Variants in INTS6 observed in about 807,000 individuals in gnomAD.
INTS6 encodes DEAD box protein.
INTS6 carries 16 observed loss-of-function variants against 104.9 expected under a neutral mutation model. The observed-to-expected ratio is 0.15, with a 90% confidence interval of 0.10 to 0.23. The LOEUF (loss-of-function observed/expected upper bound fraction) is 0.23, where lower values mean the gene tolerates loss of function less well. INTS6 is among the 10% of genes least tolerant of loss of function. The pLI, the probability that INTS6 is intolerant of heterozygous loss-of-function variation, is 1.00. For missense variants in INTS6, 584 were observed against 1,062.8 expected (o/e 0.55, Z 6.26); for synonymous variants, 324 against 358.7 (o/e 0.90, Z 1.09).
At chr13:51,346,710 T>A in the INTS6 span, among the ~76,000 whole-genome samples, 1 of 152,168 alleles carries the variant, frequency 6.6e-6, no homozygotes, top group African/African-American at 2.4e-5. Context: ...AGCCTCTGAC[T>A]CTGGCCCTGT....
intron 4 of INTS6, among the ~76,000 whole-genome samples, chr13:51,398,591 T>C (rs9526757): frequency 0.13 from 20,353 of 152,080 alleles, 1,709 homozygotes; most frequent in South Asian, 0.26. Flanking sequence ...AACTCTCCAA[T>C]ACTTCTGGTG....
At chr13:51,351,150 T>C (rs1442759211), downstream of INTS6, among the ~76,000 whole-genome samples, 1 of 152,194 alleles carries the variant, frequency 6.6e-6, no homozygotes, top group Non-Finnish European at 1.5e-5. Flanking sequence ...TTTTCAATTA[T>C]CTTGGATATA....
At chr13:51,385,431 A>T (rs763999958) in intron 7 of INTS6, among the ~76,000 whole-genome samples, 44 of 152,210 alleles carry the variant, frequency 2.9e-4, no homozygotes, top group Non-Finnish European at 5.9e-4. Context: ...ATCAGTCCAC[A>T]AAACACACTT....
chr13:51,354,500 A>G (rs1275769289), intron 3 of INTS6, among the ~76,000 whole-genome samples: 2 of 152,096 alleles, frequency 1.3e-5, no homozygotes, highest in African/African-American at 2.4e-5. Context: ...GCACACCTGC[A>G]GTCCCAGCTA....
At chr13:51,435,175 C>T (rs746721923) in intron 3 of INTS6, among the ~76,000 whole-genome samples, 5 of 151,740 alleles carry the variant, frequency 3.3e-5, no homozygotes, top group Admixed American at 2.6e-4. Context: ...ACAAAGACAG[C>T]CAGTAGAGGG....
At chr13:51,354,791 T>C (rs1955454430) in intron 3 of INTS6, among the ~76,000 whole-genome samples, 1 of 151,990 alleles carries the variant, frequency 6.6e-6, no homozygotes, top group Non-Finnish European at 1.5e-5. Flanking sequence ...GAAAAATGGA[T>C]AATAACTAAA....
chr13:51,346,962 A>G, the INTS6 span: 2 of 1,259,316 alleles, frequency 1.6e-6, no homozygotes, highest in South Asian at 2.6e-5. Flanking sequence ...CCGCACACAC[A>G]CTGGGTTCGG....
At chr13:51,360,997 C>G (rs1473129348), downstream of INTS6, among the ~76,000 whole-genome samples, 2 of 151,888 alleles carry the variant, frequency 1.3e-5, no homozygotes, top group Non-Finnish European at 2.9e-5. Context: ...AAAAATGGGG[C>G]AGTGCTCTGA....
chr13:51,359,248 A>G (rs1464135216), downstream of INTS6, among the ~76,000 whole-genome samples: 4 of 152,094 alleles, frequency 2.6e-5, no homozygotes, highest in Non-Finnish European at 5.9e-5. Flanking sequence ...GTAATATTTC[A>G]ATAGCTACTC....
At position 51,374,689 on chromosome 13, in the gene INTS6, G is replaced by T. The variant is rs765226010; in HGVS notation, c.1837C>A (p.His613Asn). The T allele has an allele frequency of 3.7e-6, 6 of 1,613,272 alleles. No homozygotes were observed. In the Admixed American group the frequency reaches 1.0e-4, roughly 27 times the overall value. ...AGCTTAAAGGGGTTGCCAAATGTAT[G>T]CAACCTTCGTGGCTGATCAGGATCA... ...ELDPDQPRRL[H>N]TFGNPFKLDK... The change falls in exon 14 of 18, where the codon CAT (histidine) becomes AAT (asparagine). Residue 613 changes from histidine (H) to asparagine (N), a missense_variant. Physicochemically the swap from His to Asn is moderately conservative, Grantham distance 68. Around this residue, in one of 5 missense-constraint regions of INTS6, gnomAD observed 296 missense variants for 437.0 expected, o/e 0.68. Coordinates refer to ENST00000311234, the MANE Select transcript of INTS6 (RefSeq NM_012141.3).
chr13:51,426,895 G>A (rs1367560340), intron 4 of INTS6, among the ~76,000 whole-genome samples: 1 of 152,116 alleles, frequency 6.6e-6, no homozygotes, highest in Non-Finnish European at 1.5e-5. Flanking sequence ...GTGCTGGAAT[G>A]TCTTTGGAAT....
intron 3 of INTS6, chr13:51,437,708 T>C (rs146121362): frequency 6.6e-6 from 1 of 152,158 alleles, no homozygotes; most frequent in African/African-American, 2.4e-5. Flanking sequence ...CTGAAAATAA[T>C]TGGGTAAGGC....
intron 6 of INTS6, 85 bp downstream of exon 6, chr13:51,389,234 A>G: frequency 6.8e-7 from 1 of 1,463,132 alleles, no homozygotes; most frequent in Non-Finnish European, 9.2e-7. Context: ...GCCTATCTTA[A>G]GGCCAAATCA....
the INTS6 span, among the ~76,000 whole-genome samples, chr13:51,345,191 G>A: frequency 3.3e-5 from 5 of 152,264 alleles, no homozygotes; most frequent in Admixed American, 1.3e-4. Context: ...TTCTATAAAT[G>A]GAGAAACTGA....
At chr13:51,360,161 C>A (rs1029994521), downstream of INTS6, among the ~76,000 whole-genome samples, 2 of 152,070 alleles carry the variant, frequency 1.3e-5, no homozygotes. Context: ...GCGTGACAAA[C>A]ACAAACCAAT....
the INTS6 span, chr13:51,347,014 C>G: frequency 6.4e-7 from 1 of 1,564,168 alleles, no homozygotes. Flanking sequence ...ACCTTGCTTT[C>G]CTGCTTGCAG....
intron 10 of INTS6, among the ~76,000 whole-genome samples, chr13:51,380,512 C>T (rs565598028): frequency 6.6e-6 from 1 of 152,118 alleles, no homozygotes; most frequent in Non-Finnish European, 1.5e-5. Context: ...AGTTCCTGTT[C>T]GAAGTGTTTG....
intron 4 of INTS6, among the ~76,000 whole-genome samples, chr13:51,417,659 G>A (rs1263690257): frequency 6.6e-6 from 1 of 151,992 alleles, no homozygotes; most frequent in Non-Finnish European, 1.5e-5. Context: ...GTTTCACCGG[G>A]TTGGCCAGGC....
intron 17 of INTS6, 143 bp downstream of exon 17, chr13:51,367,662 A>C: frequency 6.0e-6 from 3 of 496,886 alleles, no homozygotes; most frequent in Non-Finnish European, 1.1e-5. Context: ...TAAACTAAAA[A>C]AGAATAAGAA....
Sources: allele counts gnomAD v4.1 joint callset (sites outside exome capture counted in the v4.1 genomes callset), GRCh38; gene constraint gnomAD v4.1.1; regional missense constraint gnomAD v4.1.1; transcripts MANE v1.5; gene names NCBI Gene and HGNC (gene_info 2026-07-23, HGNC 2026-07-21).